The following CWC15 variants were observed in gnomAD, a reference collection of about 807,000 sequenced individuals.
CWC15 encodes the protein spliceosome-associated protein CWC15 homolog.
In CWC15, 12 loss-of-function variants were observed where a neutral mutation model predicts 28.4. That is an observed-to-expected ratio of 0.42 (90% CI 0.27 to 0.69). The LOEUF (loss-of-function observed/expected upper bound fraction) is 0.69. Among genes scored for constraint, CWC15 ranks in the 30% least tolerant of loss-of-function variants. The probability of loss-of-function intolerance (pLI) is 0.23; values close to 1 mark genes in which losing one functional copy is unlikely to be tolerated. For missense variants in CWC15, 192 were observed against 271.5 expected (o/e 0.71, Z 2.06); for synonymous variants, 92 against 88.4 (o/e 1.04, Z -0.23).
rs1177247488 is a variant in CWC15, at chr11:94,966,224, TATACACACACACAC to T, written c.560+57_560+70del. 79 of 734,100 alleles carry T rather than the reference TATACACACACACAC, an allele frequency of 1.1e-4. 1 individual carries two copies. Among genetic ancestry groups the T allele is most frequent in the Admixed American group, 9.6e-4 (33 of 34,364 alleles). 45.5% of individuals were successfully genotyped at this position (734,100 alleles called of 1,614,324 possible). On this transcript the variant is annotated intron_variant, in intron 6 of 6. Coordinates refer to ENST00000279839, the MANE Select transcript of CWC15 (RefSeq NM_016403.4). ...ATGCCTGTGTGTATACACATACACA[TATACACACACACAC>T]ACACACACACACACACACACACACA...
intron 4 of CWC15, 129 bp downstream of exon 4, chr11:94,970,848 C>A: frequency 3.8e-6 from 3 of 779,818 alleles, no homozygotes; most frequent in Non-Finnish European, 6.6e-6. Flanking sequence ...GCACTGAGGT[C>A]AGGGCTATAT....
chr11:94,963,695 G>A (rs1484088206), intron 6 of CWC15, among the ~76,000 whole-genome samples, 181 bp from the exon 7 acceptor site: 1 of 152,136 alleles, frequency 6.6e-6, no homozygotes, highest in Non-Finnish European at 1.5e-5. Context: ...CTTTCTTATA[G>A]CAAGAATGGC....
At position 94,965,458 on chromosome 11, in the gene CWC15, T is replaced by G. The variant is rs113689160; in HGVS notation, c.560+837A>C. On this transcript the variant is annotated intron_variant, in intron 6 of 6. Transcript: ENST00000279839. ...TACCCCTCCAAACACACACACACTGTACAGAATTTAAAAAGCAGGCCTAGT... is the reference window on the plus strand; with the variant it reads ...TACCCCTCCAAACACACACACACTGGACAGAATTTAAAAAGCAGGCCTAGT... Among the ~76,000 whole-genome samples, 15 of 152,300 alleles carry G rather than the reference T, an allele frequency of 9.8e-5. 1 individual carries two copies. Among genetic ancestry groups the G allele is most frequent in the African/African-American group, 3.4e-4 (14 of 41,564 alleles).
At chr11:94,969,433 A>G (rs2134101847) in intron 5 of CWC15, among the ~76,000 whole-genome samples, 1 of 152,284 alleles carries the variant, frequency 6.6e-6, no homozygotes, top group East Asian at 1.9e-4. Flanking sequence ...CAAACCTCTA[A>G]TGCTCTGACT....
intron 2 of CWC15, 75 bp downstream of exon 2, chr11:94,971,977 ATAC>A: frequency 7.1e-6 from 9 of 1,270,196 alleles, no homozygotes; most frequent in Non-Finnish European, 9.8e-6. Flanking sequence ...TAACTCAAAC[ATAC>A]TACTATATCA....
At position 94,963,372 on chromosome 11, in the gene CWC15, A is replaced by C; in HGVS notation, c.*13T>G. The C allele has an allele frequency of 6.4e-7, 1 of 1,551,930 alleles. No individual in the cohort carries two copies. The highest frequency in any genetic ancestry group is 1.7e-4 in the Middle Eastern group (1 of 5,910). Reference sequence around the variant, plus strand: ...TACGTTTTACAGTCTTTAATTAAGCACATAAAACTGTACTATTTAATATAT... The same window carrying C: ...TACGTTTTACAGTCTTTAATTAAGCCCATAAAACTGTACTATTTAATATAT... On this transcript the variant is annotated 3_prime_UTR_variant, in exon 7 of 7. Coordinates refer to ENST00000279839, the MANE Select transcript of CWC15 (RefSeq NM_016403.4).
intron 5 of CWC15, among the ~76,000 whole-genome samples, chr11:94,969,135 T>C (rs1477641662): frequency 1.3e-5 from 2 of 152,180 alleles, no homozygotes; most frequent in African/African-American, 4.8e-5. Context: ...CTCAACCTCC[T>C]TTTTTATTTT....
Position 94,971,449 on chromosome 11 carries a change from C to G in CWC15, c.170G>C (p.Arg57Pro). ...TTCTTCCAACTCTCTCCTGAAGTCA[C>G]GGTTACGAACCTCTTCAGGGGCATC... ...TQDAPEEVRNRDFRRELEERE... is the reference protein window; with the variant it reads ...TQDAPEEVRNPDFRRELEERE... The change falls in exon 3 of 7, where the codon CGT (arginine) becomes CCT (proline). Residue 57 changes from arginine to proline, a missense_variant. Arg to Pro is a moderately radical substitution (Grantham distance 103). Around this residue, in one of 2 missense-constraint regions of CWC15, gnomAD observed 188 missense variants for 250.3 expected, o/e 0.75. Transcript: ENST00000279839. 2 of 1,612,252 alleles carry G rather than the reference C, an allele frequency of 1.2e-6. No individual in the cohort carries two copies. The highest frequency in any genetic ancestry group is 1.7e-6 in the Non-Finnish European group (2 of 1,179,032).
chr11:94,966,549 T>A, intron 5 of CWC15, 136 bp from the exon 6 acceptor site: 1 of 483,552 alleles, frequency 2.1e-6, no homozygotes, highest in Non-Finnish European at 3.6e-6. Flanking sequence ...GGCAGGCTTT[T>A]TTTTTTTTTT....
Position 94,971,068 on chromosome 11 carries a change from G to T in CWC15, c.245-3C>A, listed in dbSNP as rs191159733. 82 of 1,610,676 alleles carry T rather than the reference G, an allele frequency of 5.1e-5. No individual in the cohort carries two copies. The highest frequency in any genetic ancestry group is 6.5e-5 in the Non-Finnish European group (77 of 1,177,126). On this transcript the variant is annotated splice_region_variant and splice_polypyrimidine_tract_variant and intron_variant, in intron 3 of 6. Coordinates refer to ENST00000279839, the MANE Select transcript of CWC15 (RefSeq NM_016403.4). Reference sequence around the variant, plus strand: ...CACTGAAGAGGAGGTTGTATGTTCTGGGGGGAAACAAAAATCATTTAACTT... The same window carrying T: ...CACTGAAGAGGAGGTTGTATGTTCTTGGGGGAAACAAAAATCATTTAACTT...
intron 5 of CWC15, among the ~76,000 whole-genome samples, chr11:94,967,225 A>G (rs1306577807): frequency 6.6e-6 from 1 of 151,918 alleles, no homozygotes; most frequent in Non-Finnish European, 1.5e-5. Context: ...ACGTCATTTC[A>G]CCATGTTGGC....
In CWC15 at chr11:94,963,322, C is replaced by G; in HGVS notation, c.*63G>C. 7.9e-7 allele frequency: 1 copy of G among 1,257,938 alleles called. No individual in the cohort carries two copies. Among genetic ancestry groups the G allele is most frequent in the Non-Finnish European group, 1.1e-6 (1 of 941,948 alleles). The allele number at this position is 1,257,938 out of a possible 1,614,324, so 77.9% of individuals were successfully genotyped here. Reference sequence around the variant, plus strand: ...GACAGGGGAAAAGAAAAAAAAAACTCATAAAAAAAGTCAGAATGATCCTTT... The same window carrying G: ...GACAGGGGAAAAGAAAAAAAAAACTGATAAAAAAAGTCAGAATGATCCTTT... On this transcript the variant is annotated 3_prime_UTR_variant, in exon 7 of 7. Coordinates refer to ENST00000279839, the MANE Select transcript of CWC15 (RefSeq NM_016403.4).
intron 6 of CWC15, 73 bp downstream of exon 6, chr11:94,966,222 C>CATAT: frequency 1.4e-6 from 1 of 740,514 alleles, no homozygotes; most frequent in Non-Finnish European, 2.1e-6. Flanking sequence ...TACACATACA[C>CATAT]ATATACACAC....
intron 5 of CWC15, among the ~76,000 whole-genome samples, chr11:94,967,938 G>A (rs931050393): frequency 2.0e-5 from 3 of 152,136 alleles, no homozygotes; most frequent in Admixed American, 1.3e-4. Context: ...CTTATAATGT[G>A]TATGACATAT....
intron 4 of CWC15, 152 bp from the exon 5 acceptor site, chr11:94,970,248 CAA>C (rs1414895938): frequency 4.8e-6 from 2 of 413,234 alleles, no homozygotes; most frequent in African/African-American, 2.1e-5. Context: ...CTCAAAAGTG[CAA>C]AAAAGTGTGC....
At position 94,971,379 on chromosome 11, in the gene CWC15, G is replaced by T. The variant is rs587696527; in HGVS notation, c.240C>A (p.Thr80=). The change falls in exon 3 of 7, where the codon ACC becomes ACA. Residue 80 remains threonine (T), a synonymous_variant. Coordinates refer to ENST00000279839, the MANE Select transcript of CWC15 (RefSeq NM_016403.4). ...AAREKNRDRP[T]REHTTSSSVS... Reference sequence around the variant, plus strand: ...TGTCTTGGATAGTGTTGGTACCTCGGGTTGGACGATCCCTATTTTTCTCTC... The same window carrying T: ...TGTCTTGGATAGTGTTGGTACCTCGTGTTGGACGATCCCTATTTTTCTCTC... 297 of 1,607,928 alleles carry T rather than the reference G, an allele frequency of 1.8e-4. No homozygotes were observed. In the East Asian group the frequency reaches 5.4e-3, roughly 29 times the overall value.
intron 5 of CWC15, among the ~76,000 whole-genome samples, chr11:94,969,572 G>A (rs1180460972): frequency 2.1e-5 from 3 of 140,320 alleles, no homozygotes; most frequent in Non-Finnish European, 4.7e-5. Context: ...GCTCAGAGAA[G>A]TTAGGTAGCT....
intron 6 of CWC15, among the ~76,000 whole-genome samples, chr11:94,964,092 G>A (rs1590956289): frequency 1.3e-5 from 2 of 151,568 alleles, no homozygotes; most frequent in African/African-American, 4.9e-5. Flanking sequence ...GCTCAGAGCA[G>A]AACTCTGGTT....
chr11:94,964,296 C>T (rs1160581184), intron 6 of CWC15, among the ~76,000 whole-genome samples: 5 of 151,782 alleles, frequency 3.3e-5, no homozygotes, highest in African/African-American at 9.7e-5. Context: ...TGTGTGCATG[C>T]GCTTACACGT....
Sources: gnomAD v4.1 joint callset for allele counts (sites outside exome capture counted in the v4.1 genomes callset) on GRCh38, gnomAD v4.1.1 for gene constraint, gnomAD v4.1.1 regional missense constraint, MANE v1.5 for transcripts, NCBI Gene and HGNC (gene_info 2026-07-23, HGNC 2026-07-21) for gene names.